The following SNX24 variants were observed in gnomAD, a reference collection of about 807,000 sequenced individuals.
SNX24 encodes the protein sorting nexin-24.
In SNX24, 22 loss-of-function variants were observed where a neutral mutation model predicts 28.7. That is an observed-to-expected ratio of 0.77 (90% CI 0.55 to 1.10). SNX24 has a LOEUF of 1.10. Ranked by LOEUF, SNX24 falls within the 50% of genes least tolerant of loss-of-function variation. The probability of loss-of-function intolerance (pLI) is 0.00; values close to 1 mark genes in which losing one functional copy is unlikely to be tolerated. For synonymous variants in SNX24, 69 were observed against 71.5 expected (o/e 0.96, Z 0.18); for missense variants, 221 against 201.1 (o/e 1.10, Z -0.60).
At chr5:122,955,758 A>T (rs1007233790) in intron 3 of SNX24, among the ~76,000 whole-genome samples, 1 of 152,306 alleles carries the variant, frequency 6.6e-6, no homozygotes, top group Non-Finnish European at 1.5e-5. Flanking sequence ...TGGAAATCTA[A>T]GCTCCTCACA....
At chr5:122,993,921 G>A (rs907163595) in intron 3 of SNX24, among the ~76,000 whole-genome samples, 1 of 152,124 alleles carries the variant, frequency 6.6e-6, no homozygotes, top group African/African-American at 2.4e-5. Context: ...CAAACTAGAT[G>A]GAATGGAGAA....
chr5:122,846,956 G>C (rs1214926322), intron 1 of SNX24, among the ~76,000 whole-genome samples: 1 of 148,040 alleles, frequency 6.8e-6, no homozygotes, highest in East Asian at 1.9e-4. Context: ...TTTGTTCAAG[G>C]CTTTTTTTTT....
chr5:123,026,277 G>C (rs1248495524), intron 5 of SNX24, among the ~76,000 whole-genome samples: 1 of 152,136 alleles, frequency 6.6e-6, no homozygotes, highest in Non-Finnish European at 1.5e-5. Flanking sequence ...AAGTGAGAAG[G>C]AACTGAAGGG....
chr5:122,914,038 G>T (rs1758049981), intron 1 of SNX24, among the ~76,000 whole-genome samples: 1 of 152,190 alleles, frequency 6.6e-6, no homozygotes, highest in African/African-American at 2.4e-5. Flanking sequence ...CAGGGAGGTT[G>T]CAGTGAGCCG....
At chr5:122,925,674 A>G (rs1005285699) in intron 1 of SNX24, among the ~76,000 whole-genome samples, 3 of 152,110 alleles carry the variant, frequency 2.0e-5, no homozygotes, top group African/African-American at 7.2e-5. Flanking sequence ...TGCCTCTATT[A>G]TGTCTAACTT....
At position 122,999,907 on chromosome 5, in the gene SNX24, C is replaced by T; in HGVS notation, c.250-5C>T. 6.3e-7 allele frequency: 1 copy of T among 1,585,114 alleles called. No homozygotes were observed. The highest frequency in any genetic ancestry group is 2.2e-5 in the East Asian group (1 of 44,724). On this transcript the variant is annotated splice_region_variant and splice_polypyrimidine_tract_variant and intron_variant, in intron 3 of 6. Coordinates refer to ENST00000261369, the MANE Select transcript of SNX24 (RefSeq NM_014035.4). ...AGTTTCGAATTCTGTTTTCTGCTTT[C>T]ACAGGCTGTCATTTTAGAAAATGAA...
chr5:122,906,251 A>G (rs1561575512), intron 1 of SNX24, among the ~76,000 whole-genome samples: 2 of 152,188 alleles, frequency 1.3e-5, no homozygotes, highest in East Asian at 1.9e-4. Flanking sequence ...TCCACTTAGC[A>G]CCCCATACCT....
Position 123,021,006 on chromosome 5 carries a change from C to G in SNX24, n.384-8232C>G, listed in dbSNP as rs185641233. The stretch of plus-strand genomic sequence containing the variant: ...CAGCCCTGCTCCCTCTTGCACCTCC[C>G]CTGCTCTGTTCATCTGGCCCCTTTG... On this transcript the variant is annotated intron_variant and non_coding_transcript_variant, in intron 5 of 5. Coordinates refer to the SNX24 transcript ENST00000502387. Among the ~76,000 whole-genome samples the G allele has an allele frequency of 1.3e-3, 200 of 152,298 alleles. 1 individual carries two copies. The highest frequency in any genetic ancestry group is 4.5e-3 in the African/African-American group (185 of 41,568).
chr5:122,902,053 C>T (rs1022075727), intron 1 of SNX24, among the ~76,000 whole-genome samples: 2 of 152,202 alleles, frequency 1.3e-5, no homozygotes, highest in African/African-American at 4.8e-5. Flanking sequence ...CATTGTCTGT[C>T]CTTCATCTGG....
chr5:122,877,163 G>T (rs192739936), intron 1 of SNX24, among the ~76,000 whole-genome samples: 1 of 152,232 alleles, frequency 6.6e-6, no homozygotes, highest in African/African-American at 2.4e-5. Flanking sequence ...TTGCTTTCAG[G>T]GGAGGGGTGG....
intron 3 of SNX24, among the ~76,000 whole-genome samples, chr5:122,974,393 A>G (rs1349093143): frequency 6.6e-6 from 1 of 152,248 alleles, no homozygotes; most frequent in African/African-American, 2.4e-5. Flanking sequence ...ATCTCTGTGA[A>G]CAAGATTATG....
At chr5:122,864,914 T>C (rs2150046264) in intron 1 of SNX24, among the ~76,000 whole-genome samples, 1 of 152,364 alleles carries the variant, frequency 6.6e-6, no homozygotes, top group Middle Eastern at 3.4e-3. Flanking sequence ...GTTATCGTCT[T>C]TGTTTTAAAC....
At chr5:123,026,682 G>A (rs750136156) in intron 5 of SNX24, among the ~76,000 whole-genome samples, 15 of 152,196 alleles carry the variant, frequency 9.9e-5, no homozygotes, top group Non-Finnish European at 1.9e-4. Context: ...GATGACAATT[G>A]GGAGCACCCA....
intron 1 of SNX24, among the ~76,000 whole-genome samples, chr5:122,850,426 C>T (rs544796952): frequency 2.6e-5 from 4 of 152,158 alleles, no homozygotes; most frequent in Admixed American, 6.5e-5. Flanking sequence ...AGAATTTCAG[C>T]ATGAGAATTT....
chr5:122,967,672 G>A (rs2150144201), intron 3 of SNX24, among the ~76,000 whole-genome samples: 1 of 152,268 alleles, frequency 6.6e-6, no homozygotes, highest in East Asian at 1.9e-4. Context: ...ATTTGATACG[G>A]GCATCCCCAC....
chr5:122,885,462 C>T (rs756323720), intron 1 of SNX24, among the ~76,000 whole-genome samples: 59 of 152,178 alleles, frequency 3.9e-4, no homozygotes, highest in Admixed American at 1.0e-3. Context: ...TTTGTACATG[C>T]TTTGAGAATG....
chr5:122,958,372 G>A (rs1380976232), intron 3 of SNX24, among the ~76,000 whole-genome samples: 1 of 152,066 alleles, frequency 6.6e-6, no homozygotes, highest in African/African-American at 2.4e-5. Flanking sequence ...TCCTGCCTCA[G>A]CCTCCCAAGT....
At chr5:123,007,516 G>A (rs1357402233) in intron 6 of SNX24, among the ~76,000 whole-genome samples, 166 bp from the exon 7 acceptor site, 1 of 152,210 alleles carries the variant, frequency 6.6e-6, no homozygotes, top group East Asian at 1.9e-4. Flanking sequence ...GGCTGAAGCA[G>A]CATGACTGAT....
At chr5:122,943,531 C>T (rs570628823) in intron 2 of SNX24, among the ~76,000 whole-genome samples, 14 of 152,324 alleles carry the variant, frequency 9.2e-5, no homozygotes, top group Non-Finnish European at 1.6e-4. Context: ...ACGTGAGGCT[C>T]GGGGCCCTCT....
Sources: allele counts gnomAD v4.1 joint callset (sites outside exome capture counted in the v4.1 genomes callset), GRCh38; gene constraint gnomAD v4.1.1; transcripts MANE v1.5; gene names NCBI Gene and HGNC (gene_info 2026-07-23, HGNC 2026-07-21).